DIAPH3: variants seen among roughly 807,000 people sequenced by gnomAD.
DIAPH3 encodes the protein protein diaphanous homolog 3.
In DIAPH3, 117 loss-of-function variants were observed where a neutral mutation model predicts 144.3. That is an observed-to-expected ratio of 0.81 (90% confidence interval 0.70 to 0.95). DIAPH3 has a LOEUF of 0.95. DIAPH3 is among the 40% of genes least tolerant of loss of function. The pLI is 0.00. For missense variants in DIAPH3, 1,421 were observed against 1,412.7 expected (o/e 1.01, Z -0.09); for synonymous variants, 519 against 488.9 (o/e 1.06, Z -0.81).
rs1346197340 is a variant in DIAPH3, at chr13:60,122,964, G to A, written c.213+9993C>T. Among the ~76,000 whole-genome samples, 3 of 151,808 alleles carry A rather than the reference G, an allele frequency of 2.0e-5. No homozygotes were observed. The South Asian group carries it at 6.2e-4, about 32-fold the overall frequency. On this transcript the variant is annotated intron_variant, in intron 2 of 27. Transcript: ENST00000400324. ...TATACTTGAGAAGTAATATAAATTA[G>A]CCCTGTATATATTACATTTTATTTT... is the stretch of plus-strand genomic sequence containing the variant.
intron 27 of DIAPH3, among the ~76,000 whole-genome samples, chr13:59,726,594 C>T (rs143601210): frequency 1.7e-3 from 259 of 152,214 alleles, no homozygotes; most frequent in African/African-American, 5.5e-3. Flanking sequence ...ATATTTCTTC[C>T]ATTTGTACTT....
intron 17 of DIAPH3, among the ~76,000 whole-genome samples, chr13:59,938,608 G>A (rs9538534): frequency 6.7e-6 from 1 of 150,216 alleles, no homozygotes; most frequent in Non-Finnish European, 1.5e-5. Context: ...GACCTTGTTT[G>A]GAAAAAAAAA....
rs1207771922 is a variant in DIAPH3, at chr13:59,861,428, G to C, written c.2716C>G (p.Pro906Ala). The change falls in exon 22 of 28, where the codon CCT (proline) becomes GCT (alanine). Residue 906 changes from proline to alanine, a missense_variant. Transcript: ENST00000400324. The stretch of plus-strand genomic sequence containing the variant: ...AAACCTTTACTAGCTTTGTCTAAAG[G>C]TTCCAAATCATCCACAAAATTCAGT... ...DILNFVDDLEPLDKASKVSVE... is the reference protein window; with the variant it reads ...DILNFVDDLEALDKASKVSVE... The C allele has an allele frequency of 8.7e-6, 14 of 1,613,642 alleles. No homozygotes were observed. Among genetic ancestry groups the C allele is most frequent in the Non-Finnish European group, 1.2e-5 (14 of 1,179,896 alleles).
intron 25 of DIAPH3, among the ~76,000 whole-genome samples, chr13:59,807,801 T>C (rs1043214878): frequency 1.3e-5 from 2 of 152,014 alleles, no homozygotes; most frequent in Non-Finnish European, 2.9e-5. Flanking sequence ...ACGAAAGATA[T>C]AATAAAACGT....
At chr13:59,746,512 C>T (rs1283783624) in intron 27 of DIAPH3, among the ~76,000 whole-genome samples, 2 of 152,060 alleles carry the variant, frequency 1.3e-5, no homozygotes, top group Non-Finnish European at 2.9e-5. Flanking sequence ...GTGTGAGCCA[C>T]TGCAACCAGC....
chr13:60,078,273 G>A (rs1284986250), intron 4 of DIAPH3, among the ~76,000 whole-genome samples: 4 of 152,090 alleles, frequency 2.6e-5, no homozygotes, highest in African/African-American at 9.7e-5. Context: ...GGCAAAAAGG[G>A]TGGCAATGCT....
At chr13:60,040,629 C>T (rs2055593674) in intron 5 of DIAPH3, among the ~76,000 whole-genome samples, 1 of 152,110 alleles carries the variant, frequency 6.6e-6, no homozygotes, top group Non-Finnish European at 1.5e-5. Flanking sequence ...AAAGGGTCTA[C>T]TCCTCATTAT....
rs551548633 is a variant in DIAPH3, at chr13:59,784,951, C to A, written c.3164-10128G>T. Among the ~76,000 whole-genome samples, 7 of 152,274 alleles carry A rather than the reference C, an allele frequency of 4.6e-5. No individual in the cohort carries two copies. The South Asian group carries it at 1.5e-3, about 32-fold the overall frequency. Reference sequence around the variant, plus strand: ...TTTTGGGAAAAAGATTATACAGCTTCTCTTGGTAACCCAGTTCAGTCTTTA... The same window carrying A: ...TTTTGGGAAAAAGATTATACAGCTTATCTTGGTAACCCAGTTCAGTCTTTA... On this transcript the variant is annotated intron_variant, in intron 25 of 27. Transcript: ENST00000400324.
intron 27 of DIAPH3, among the ~76,000 whole-genome samples, chr13:59,697,491 A>AAAAG (rs1555274392): frequency 3.7e-4 from 29 of 78,098 alleles, no homozygotes; most frequent in South Asian, 9.7e-4. Flanking sequence ...AAAAAAAAAA[A>AAAAG]AAGAAGAGGG....
chr13:59,740,691 G>A (rs2036397329), intron 27 of DIAPH3, among the ~76,000 whole-genome samples: 1 of 152,168 alleles, frequency 6.6e-6, no homozygotes, highest in African/African-American at 2.4e-5. Flanking sequence ...AAAGGGTCAA[G>A]AAACGTACCG....
chr13:60,069,528 G>A (rs544806011), intron 4 of DIAPH3, among the ~76,000 whole-genome samples: 1 of 152,198 alleles, frequency 6.6e-6, no homozygotes, highest in East Asian at 1.9e-4. Context: ...TGCTTTTGGA[G>A]TCTCCATCGT....
intron 20 of DIAPH3, among the ~76,000 whole-genome samples, chr13:59,897,909 A>C (rs932007512): frequency 1.3e-5 from 2 of 151,516 alleles, no homozygotes; most frequent in Non-Finnish European, 2.9e-5. Context: ...AGGCAGGTAG[A>C]TCACTTGAAG....
intron 17 of DIAPH3, among the ~76,000 whole-genome samples, chr13:59,942,544 C>T (rs1396026208): frequency 6.6e-6 from 1 of 152,056 alleles, no homozygotes; most frequent in Non-Finnish European, 1.5e-5. Context: ...CATTGTGAAA[C>T]AATTCAAACA....
intron 2 of DIAPH3, among the ~76,000 whole-genome samples, chr13:60,121,834 G>A (rs1005611057): frequency 6.6e-6 from 1 of 152,168 alleles, no homozygotes; most frequent in African/African-American, 2.4e-5. Context: ...TGTGATAACT[G>A]TAATGAAAAT....
chr13:59,911,290 T>C (rs1014126293), intron 20 of DIAPH3, among the ~76,000 whole-genome samples: 2 of 152,170 alleles, frequency 1.3e-5, no homozygotes, highest in African/African-American at 4.8e-5. Context: ...AATGAATTCA[T>C]TTTTCATCCT....
intron 8 of DIAPH3, among the ~76,000 whole-genome samples, chr13:60,009,078 G>A (rs1232514525): frequency 6.6e-6 from 1 of 152,262 alleles, no homozygotes; most frequent in South Asian, 2.1e-4. Context: ...AGTTTATGTG[G>A]TGGGCACCAT....
rs1290080158 is a variant in DIAPH3, at chr13:59,774,723, T to C, written c.3259+5A>G. ...AAAGTAACATGAAACAAGTATAGGG[T>C]TCACCTTTTGGCATCGGTGTCCTTT... On this transcript the variant is annotated splice_donor_5th_base_variant and intron_variant, in intron 26 of 27. Coordinates refer to ENST00000400324, the MANE Select transcript of DIAPH3 (RefSeq NM_001042517.2). 2 of 1,613,394 alleles carry C rather than the reference T, an allele frequency of 1.2e-6. No individual in the cohort carries two copies. Among genetic ancestry groups the C allele is most frequent in the Non-Finnish European group, 1.7e-6 (2 of 1,179,432 alleles).
chr13:59,897,075 T>C (rs940308572), intron 20 of DIAPH3, among the ~76,000 whole-genome samples: 2 of 152,142 alleles, frequency 1.3e-5, no homozygotes. Flanking sequence ...TTATATGTGT[T>C]TTATAAAATC....
intron 1 of DIAPH3, among the ~76,000 whole-genome samples, chr13:60,156,587 T>A (rs1014457845): frequency 4.6e-5 from 7 of 151,966 alleles, no homozygotes; most frequent in South Asian, 4.2e-4. Context: ...TCAGTATACA[T>A]CTATTTGACT....
Sources: gnomAD v4.1 joint callset for allele counts (sites outside exome capture counted in the v4.1 genomes callset) on GRCh38, gnomAD v4.1.1 for gene constraint, MANE v1.5 for transcripts, NCBI Gene and HGNC (gene_info 2026-07-23, HGNC 2026-07-21) for gene names.